The following C1QTNF7 variants were observed in gnomAD, a reference collection of about 807,000 sequenced individuals.
C1QTNF7 encodes the protein complement C1q tumor necrosis factor-related protein 7.
In C1QTNF7, 15 loss-of-function variants were observed where a neutral mutation model predicts 19.6. The observed-to-expected ratio is 0.76, with a 90% CI of 0.51 to 1.18. The LOEUF is 1.18. Ranked by LOEUF, C1QTNF7 falls within the 50% of genes most tolerant of loss-of-function variation. The pLI, the probability that C1QTNF7 is intolerant of heterozygous loss-of-function variation, is 0.00. For missense variants in C1QTNF7, 324 were observed against 359.7 expected (o/e 0.90, Z 0.80); for synonymous variants, 142 against 137.5 (o/e 1.03, Z -0.23).
intron 1 of C1QTNF7, among the ~76,000 whole-genome samples, chr4:15,408,247 G>A (rs1331556560): frequency 1.4e-5 from 2 of 140,678 alleles, no homozygotes; most frequent in African/African-American, 5.4e-5. Flanking sequence ...ACTCCAGCCT[G>A]GGCAACAGAG....
At chr4:15,442,020 C>CA (rs35426021) in intron 2 of C1QTNF7, 148 bp from the exon 3 acceptor site, 22,063 of 617,638 alleles carry the variant, frequency 0.036, no homozygotes, top group Middle Eastern at 0.055. Flanking sequence ...GACTCCATCT[C>CA]AAAAAAAAAA....
intron 1 of C1QTNF7, among the ~76,000 whole-genome samples, chr4:15,379,286 T>C (rs16891829): frequency 0.061 from 9,279 of 152,242 alleles, 527 homozygotes; most frequent in Admixed American, 0.18. Flanking sequence ...GAGCAATTCA[T>C]GATGCTTCTT....
In C1QTNF7 at chr4:15,361,455, A is replaced by T. The variant is rs988591507; in HGVS notation, c.13+21248A>T. ...TCTTTGTGCCATAATCTCAGCATAG[A>T]CACATTAATCGCTTACATTGCTTTC... On this transcript the variant is annotated intron_variant, in intron 1 of 2. Transcript: ENST00000295297. Among the ~76,000 whole-genome samples, 10 of 152,164 alleles carry T rather than the reference A, an allele frequency of 6.6e-5. 1 individual carries two copies. The highest frequency in any genetic ancestry group is 6.5e-4 in the Admixed American group (10 of 15,274).
chr4:15,371,107 A>ATG (rs1717705008), intron 1 of C1QTNF7, among the ~76,000 whole-genome samples: 2 of 152,228 alleles, frequency 1.3e-5, no homozygotes, highest in African/African-American at 4.8e-5. Flanking sequence ...CTGTTGGGGT[A>ATG]TGAACAGGCA....
intron 1 of C1QTNF7, among the ~76,000 whole-genome samples, chr4:15,379,651 T>C (rs1718069917): frequency 1.3e-5 from 2 of 152,178 alleles, no homozygotes; most frequent in Admixed American, 6.5e-5. Flanking sequence ...CCACATGCAA[T>C]ACAAATTCTA....
At chr4:15,353,389 T>C (rs1402325054) in intron 1 of C1QTNF7, among the ~76,000 whole-genome samples, 1 of 152,198 alleles carries the variant, frequency 6.6e-6, no homozygotes, top group Non-Finnish European at 1.5e-5. Context: ...AAAGGGAGGA[T>C]TGGCTGAGCA....
intron 1 of C1QTNF7, among the ~76,000 whole-genome samples, chr4:15,376,112 C>G (rs919353645): frequency 6.6e-6 from 1 of 152,192 alleles, no homozygotes; most frequent in African/African-American, 2.4e-5. Flanking sequence ...GCCTAATGTG[C>G]TGAAAGCAAT....
intron 1 of C1QTNF7, among the ~76,000 whole-genome samples, chr4:15,430,527 A>C (rs557358606): frequency 6.6e-6 from 1 of 152,350 alleles, no homozygotes; most frequent in East Asian, 1.9e-4. Flanking sequence ...AGTGACAGCT[A>C]AGGGGTACAG....
At chr4:15,363,345 T>G (rs562620479) in intron 1 of C1QTNF7, among the ~76,000 whole-genome samples, 1 of 152,226 alleles carries the variant, frequency 6.6e-6, no homozygotes, top group South Asian at 2.1e-4. Flanking sequence ...AACGAAAACT[T>G]TGTGGTCATA....
At chr4:15,414,613 T>G (rs1289132811) in intron 1 of C1QTNF7, among the ~76,000 whole-genome samples, 3 of 152,066 alleles carry the variant, frequency 2.0e-5, no homozygotes, top group African/African-American at 7.2e-5. Context: ...GACTAGAATA[T>G]CCGTTTGTTT....
At chr4:15,354,804 A>G (rs1560339211) in intron 1 of C1QTNF7, among the ~76,000 whole-genome samples, 1 of 152,132 alleles carries the variant, frequency 6.6e-6, no homozygotes, top group South Asian at 2.1e-4. Context: ...TAGTGCTACA[A>G]GACATAAATT....
chr4:15,343,783 CCAGATA>C (rs909868613), intron 1 of C1QTNF7, among the ~76,000 whole-genome samples: 2 of 152,192 alleles, frequency 1.3e-5, no homozygotes, highest in Non-Finnish European at 2.9e-5. Context: ...TGGACACTTA[CCAGATA>C]CAAAGAATTG....
chr4:15,369,403 C>G (rs778971392), intron 1 of C1QTNF7, among the ~76,000 whole-genome samples: 19 of 152,144 alleles, frequency 1.2e-4, no homozygotes, highest in Non-Finnish European at 2.8e-4. Context: ...TATCTATAAA[C>G]TCTGTTAAAC....
upstream of C1QTNF7, among the ~76,000 whole-genome samples, chr4:15,426,965 T>C (rs892125804): frequency 2.6e-5 from 4 of 152,248 alleles, no homozygotes; most frequent in African/African-American, 9.6e-5. Flanking sequence ...GATTAAAATC[T>C]GACTCTAATT....
At chr4:15,395,502 T>C (rs1393937161) in intron 1 of C1QTNF7, among the ~76,000 whole-genome samples, 2 of 152,118 alleles carry the variant, frequency 1.3e-5, no homozygotes, top group African/African-American at 4.8e-5. Context: ...CTGTGATGAA[T>C]GGATGCCAAA....
chr4:15,398,628 T>C (rs113722037), intron 1 of C1QTNF7, among the ~76,000 whole-genome samples: 11 of 152,284 alleles, frequency 7.2e-5, no homozygotes, highest in African/African-American at 2.6e-4. Flanking sequence ...TTTGTGAACA[T>C]TCCCCTGAGG....
chr4:15,428,754 A>T (rs1712169740), intron 1 of C1QTNF7, among the ~76,000 whole-genome samples: 1 of 152,172 alleles, frequency 6.6e-6, no homozygotes. Flanking sequence ...ATCCTGTCCC[A>T]ATCACAGTGC....
intron 1 of C1QTNF7, among the ~76,000 whole-genome samples, chr4:15,434,433 A>C (rs1256014109): frequency 1.3e-5 from 2 of 152,194 alleles, no homozygotes; most frequent in African/African-American, 4.8e-5. Flanking sequence ...CTGTCAAAAA[A>C]CAAAAGAAAT....
intron 1 of C1QTNF7, among the ~76,000 whole-genome samples, chr4:15,368,175 G>T (rs1472022600): frequency 6.6e-6 from 1 of 152,028 alleles, no homozygotes; most frequent in Non-Finnish European, 1.5e-5. Context: ...TAGACTCTTT[G>T]TGTCTGGCTT....
Sources: allele counts gnomAD v4.1 joint callset (sites outside exome capture counted in the v4.1 genomes callset), GRCh38; gene constraint gnomAD v4.1.1; transcripts MANE v1.5; gene names NCBI Gene and HGNC (gene_info 2026-07-23, HGNC 2026-07-21).